Variants in KRT39 observed in about 807,000 individuals in gnomAD.
KRT39 encodes the protein keratin 39.
Under a neutral mutation model 54.8 loss-of-function variants are expected in KRT39, and 47 were observed. That is an observed-to-expected ratio of 0.86 (90% confidence interval 0.68 to 1.09). KRT39 has a LOEUF of 1.09. Among genes scored for constraint, KRT39 ranks in the 50% least tolerant of loss-of-function variants. The pLI is 0.00. For synonymous variants in KRT39, 207 were observed against 227.9 expected (o/e 0.91, Z 0.83); for missense variants, 580 against 598.5 (o/e 0.97, Z 0.32).
At chr17:40,960,582 T>C in intron 5 of KRT39, 81 bp from the exon 6 acceptor site, 1 of 1,054,450 alleles carries the variant, frequency 9.5e-7, no homozygotes, top group Non-Finnish European at 1.4e-6. Flanking sequence ...TTAAAAAAAA[T>C]GGTTTCTTTG....
At chr17:40,963,479 A>G in intron 3 of KRT39, 148 bp downstream of exon 3, 1 of 697,354 alleles carries the variant, frequency 1.4e-6, no homozygotes, top group Non-Finnish European at 2.3e-6. Context: ...TCTGTCCTTT[A>G]TAAATTACCT....
chr17:40,964,037 T>C (rs1911263457), intron 2 of KRT39: 3 of 430,734 alleles, frequency 7.0e-6, no homozygotes, highest in Admixed American at 7.7e-5. Context: ...CTGCCCCTAG[T>C]GGCAATGCAA....
intron 5 of KRT39, among the ~76,000 whole-genome samples, chr17:40,961,744 T>C (rs1262117420): frequency 6.6e-6 from 1 of 152,178 alleles, no homozygotes; most frequent in Non-Finnish European, 1.5e-5. Context: ...CCTCTTAGGA[T>C]TGCTTTATAA....
intron 5 of KRT39, 128 bp downstream of exon 5, chr17:40,962,034 G>T: frequency 7.7e-7 from 1 of 1,301,664 alleles, no homozygotes; most frequent in Non-Finnish European, 1.0e-6. Context: ...CTCTTTTTCA[G>T]CCATAGACGC....
intron 3 of KRT39, 116 bp from the exon 4 acceptor site, chr17:40,962,679 A>G: frequency 1.2e-6 from 1 of 805,734 alleles, no homozygotes; most frequent in East Asian, 2.5e-5. Context: ...AGCCCACAAC[A>G]AAGGAATACA....
rs750872774 is a variant in KRT39 at position 40,958,755 on chromosome 17, G to C, written c.1322C>G (p.Pro441Arg). Residue 441 changes from proline (P) to arginine (R), a missense_variant, in exon 7 of 7, where the codon CCC becomes CGC. Pro to Arg is a moderately radical substitution (Grantham distance 103). Transcript: ENST00000355612. ...STAPACTSSSPCSLKEHCSAC... is the reference protein window; with the variant it reads ...STAPACTSSSRCSLKEHCSAC... Reference sequence around the variant, plus strand: ...ACTGCAGTGCTCCTTTAAGCTGCAGGGGGATGAGGATGTGCAAGCTGGGGC... The same window carrying C: ...ACTGCAGTGCTCCTTTAAGCTGCAGCGGGATGAGGATGTGCAAGCTGGGGC... The C allele has an allele frequency of 6.2e-7, 1 of 1,614,096 alleles. No homozygotes were observed. Among genetic ancestry groups the C allele is most frequent in the Non-Finnish European group, 8.5e-7 (1 of 1,180,020 alleles).
At position 40,966,572 on chromosome 17, in the gene KRT39, AT is replaced by A. The variant is rs777803370; in HGVS notation, c.284del (p.Asn95MetfsTer9). On this transcript the variant is annotated frameshift_variant, in exon 1 of 7. Transcript: ENST00000355612. LOFTEE classifies it high-confidence loss of function. The stretch of plus-strand genomic sequence containing the variant: ...TCAAGATTTGCATGGTCTCCTTCTC[AT>A]TACTGTTGATGCCTTCACCATACCA... ...CSWYGEGINS[N>X]EKETMQILNE... 3.7e-6 allele frequency: 6 copies of A among 1,614,206 alleles called. No individual in the cohort carries two copies. The South Asian group carries it at 6.6e-5, about 18-fold the overall frequency.
chr17:40,962,988 A>G (rs1452926220), intron 3 of KRT39, among the ~76,000 whole-genome samples: 2 of 152,166 alleles, frequency 1.3e-5, no homozygotes, highest in Non-Finnish European at 2.9e-5. Context: ...CAAACATGGG[A>G]AGACTGTAAG....
At position 40,958,855 on chromosome 17, in the gene KRT39, G is replaced by T. The variant is rs1453227689; in HGVS notation, c.1222C>A (p.Pro408Thr). The change falls in exon 7 of 7, where the codon CCC (proline) becomes ACC (threonine). Residue 408 changes from proline (P) to threonine (T), a missense_variant. Physicochemically the swap from Pro to Thr is conservative, Grantham distance 38. Coordinates refer to ENST00000355612, the MANE Select transcript of KRT39 (RefSeq NM_213656.4). ...CATTTGGTGGCACGTGGGTAACAGG[G>T]ACGCCTAAGGAAAAAAAACACAATT... ...SLLESSDGKR[P>T]CYPRATKCEP... 1.3e-6 allele frequency: 2 copies of T among 1,575,524 alleles called. No individual in the cohort carries two copies. Among genetic ancestry groups the T allele is most frequent in the African/African-American group, 2.7e-5 (2 of 73,134 alleles).
chr17:40,963,558 G>A (rs1911237881), intron 3 of KRT39, 69 bp downstream of exon 3: 4 of 1,424,274 alleles, frequency 2.8e-6, no homozygotes, highest in African/African-American at 2.8e-5. Context: ...TTTGTCAGGT[G>A]CAACTCAAAG....
Position 40,962,543 on chromosome 17 carries a change from A to ACACTG in KRT39, c.724_728dup (p.Gln244SerfsTer12). Reference sequence around the variant, plus strand: ...CAATGTCAAGTCTCTCCCCAAGCTGACACTGTAAAGAATTGATTTCCTAAG... The same window carrying ACACTG: ...CAATGTCAAGTCTCTCCCCAAGCTGACACTGCACTGTAAAGAATTGATTTCCTAAG... On this transcript the variant is annotated frameshift_variant, in exon 4 of 7. Transcript: ENST00000355612. LOFTEE classifies it high-confidence loss of function. 6.2e-7 allele frequency: 1 copy of ACACTG among 1,613,718 alleles called. No individual in the cohort carries two copies. The highest frequency in any genetic ancestry group is 8.5e-7 in the Non-Finnish European group (1 of 1,179,906).
chr17:40,958,756 G>T lies in KRT39; in HGVS notation c.1321C>A (p.Pro441Thr), dbSNP rs756681482. 7 of 1,613,962 alleles carry T rather than the reference G, an allele frequency of 4.3e-6. No individual in the cohort carries two copies. Among genetic ancestry groups the T allele is most frequent in the Non-Finnish European group, 5.9e-6 (7 of 1,180,020 alleles). ...STAPACTSSS[P>T]CSLKEHCSAC... The stretch of plus-strand genomic sequence containing the variant: ...CTGCAGTGCTCCTTTAAGCTGCAGG[G>T]GGATGAGGATGTGCAAGCTGGGGCC... Residue 441 changes from proline (P) to threonine (T), a missense_variant, in exon 7 of 7, where the codon CCC becomes ACC. Coordinates refer to ENST00000355612, the MANE Select transcript of KRT39 (RefSeq NM_213656.4).
rs766581614 is a variant in KRT39 at position 40,962,391 on chromosome 17, A to G, written c.870+11T>C. ...TCAGCTTATTGTTTTTGACTTTTCT[A>G]TATCCCCCACCTGCGTGTTGAACCA... On this transcript the variant is annotated intron_variant, in intron 4 of 6. Coordinates refer to ENST00000355612, the MANE Select transcript of KRT39 (RefSeq NM_213656.4). 1.5e-5 allele frequency: 25 copies of G among 1,613,218 alleles called. No individual in the cohort carries two copies. The highest frequency in any genetic ancestry group is 2.0e-5 in the Non-Finnish European group (24 of 1,179,556).
Position 40,962,491 on chromosome 17 carries a change from G to T in KRT39, c.781C>A (p.Leu261Ile). ...IEVTAAPSAD[L>I]NQVLQEMRCQ... ...CTCATTTCTTGTAGAACCTGGTTTA[G>T]GTCAGCAGAAGGGGCAGCAGTCACT... The change falls in exon 4 of 7, where the codon CTA (leucine) becomes ATA (isoleucine). Residue 261 changes from leucine to isoleucine, a missense_variant. Physicochemically the swap from Leu to Ile is conservative, Grantham distance 5 (BLOSUM62 2). Transcript: ENST00000355612. 6.2e-7 allele frequency: 1 copy of T among 1,614,154 alleles called. No homozygotes were observed. Among genetic ancestry groups the T allele is most frequent in the East Asian group, 2.2e-5 (1 of 44,878 alleles).
chr17:40,962,398 C>T lies in KRT39; in HGVS notation c.870+4G>A. The T allele has an allele frequency of 1.2e-6, 2 of 1,613,988 alleles. No homozygotes were observed. Among genetic ancestry groups the T allele is most frequent in the African/African-American group, 1.3e-5 (1 of 75,052 alleles). ...ATTGTTTTTGACTTTTCTATATCCC[C>T]CACCTGCGTGTTGAACCACTGTTCC... is the stretch of plus-strand genomic sequence containing the variant. On this transcript the variant is annotated splice_donor_region_variant and intron_variant, in intron 4 of 6. Transcript: ENST00000355612.
In KRT39 at chr17:40,966,530, G is replaced by A. The variant is rs1383254133; in HGVS notation, c.327C>T (p.Asn109=). The change falls in exon 1 of 7, where the codon AAC becomes AAT. Residue 109 remains asparagine, a synonymous_variant. Coordinates refer to ENST00000355612, the MANE Select transcript of KRT39 (RefSeq NM_213656.4). ...TMQILNERLA[N]YLQKVRMLER... ...CTAGCATTCGCACCTTTTGCAGGTA[G>A]TTAGCAAGGCGCTCGTTCAAGATTT... 6.2e-7 allele frequency: 1 copy of A among 1,614,172 alleles called. No individual in the cohort carries two copies. The highest frequency in any genetic ancestry group is 1.7e-5 in the Admixed American group (1 of 60,028).
chr17:40,965,606 G>A (rs1476153816), intron 1 of KRT39, among the ~76,000 whole-genome samples: 1 of 152,154 alleles, frequency 6.6e-6, no homozygotes, highest in South Asian at 2.1e-4. Context: ...GAATACGTCT[G>A]TGCATAACAA....
intron 5 of KRT39, 31 bp downstream of exon 5, chr17:40,962,131 C>T: frequency 6.2e-7 from 1 of 1,609,980 alleles, no homozygotes; most frequent in Non-Finnish European, 8.5e-7. Context: ...TCCATCTTTG[C>T]TGAGCTAGGC....
Position 40,958,446 on chromosome 17 carries a change from A to G in KRT39, c.*155T>C. ...AGCAGTGGTGAGTTAGGGAAGGAGC[A>G]GAATAAAAGATATTCTACCTAGCAA... is the stretch of plus-strand genomic sequence containing the variant. On this transcript the variant is annotated 3_prime_UTR_variant, in exon 7 of 7. Transcript: ENST00000355612. 1.5e-6 allele frequency: 1 copy of G among 682,122 alleles called. No individual in the cohort carries two copies. The highest frequency in any genetic ancestry group is 2.4e-5 in the South Asian group (1 of 41,020). The allele number at this position is 682,122 out of a possible 1,614,324, so 42.3% of individuals were successfully genotyped here. A position where few individuals can be genotyped will look rare whatever the true frequency, so the allele number is the denominator to read the frequency against.
Sources: gnomAD v4.1 joint callset for allele counts (sites outside exome capture counted in the v4.1 genomes callset) on GRCh38, gnomAD v4.1.1 for gene constraint, MANE v1.5 for transcripts, NCBI Gene and HGNC (gene_info 2026-07-23, HGNC 2026-07-21) for gene names.